ANO5: variants seen among roughly 807,000 people sequenced by gnomAD.
ANO5 encodes the protein anoctamin 5, also known as anoctamin-5.
Under a neutral mutation model 121.0 loss-of-function variants are expected in ANO5, and 109 were observed. The observed-to-expected ratio is 0.90, with a 90% CI of 0.77 to 1.06. The LOEUF is 1.06. Ranked by LOEUF, ANO5 falls within the 50% of genes least tolerant of loss-of-function variation. ANO5 has a pLI of 0.00. For missense variants in ANO5, 1,064 were observed against 1,078.5 expected (o/e 0.99, Z 0.19); for synonymous variants, 406 against 359.9 (o/e 1.13, Z -1.45).
chr11:22,263,270 TTTTA>T (rs1222132066), intron 17 of ANO5, among the ~76,000 whole-genome samples: 3 of 152,164 alleles, frequency 2.0e-5, no homozygotes, highest in Non-Finnish European at 4.4e-5. Context: ...TTTTAAAAAA[TTTTA>T]TTTGACAAAT....
In ANO5 at chr11:22,262,116, TTTAAC is replaced by T. The variant is rs1554931720; in HGVS notation, c.1631-7_1631-3del. 2 of 1,613,104 alleles carry T rather than the reference TTTAAC, an allele frequency of 1.2e-6. No individual in the cohort carries two copies. The highest frequency in any genetic ancestry group is 1.7e-6 in the Non-Finnish European group (2 of 1,179,728). ...TAAGAAGATGCACTAAACATTTTTT[TTTAAC>T]TTAACAGAAATTCCTCGAACATACC... On this transcript the variant is annotated splice_region_variant and splice_polypyrimidine_tract_variant and intron_variant, in intron 15 of 21. Transcript: ENST00000324559.
intron 7 of ANO5, among the ~76,000 whole-genome samples, chr11:22,228,380 A>G (rs1368574004): frequency 2.0e-5 from 3 of 152,054 alleles, no homozygotes; most frequent in African/African-American, 7.2e-5. Flanking sequence ...TTGACACATA[A>G]TTGTACATAT....
rs1176988988 is a variant in ANO5, at chr11:22,250,864, C to T, written c.1119+18C>T. The T allele has an allele frequency of 8.7e-6, 14 of 1,611,662 alleles. No individual in the cohort carries two copies. The East Asian group carries it at 2.9e-4, about 33-fold the overall frequency. ...CTTCAAAGGTATGTATGCATTGTAA[C>T]ATGTTGAAAAGACTTGGAATTTTCC... On this transcript the variant is annotated intron_variant, in intron 11 of 21. Transcript: ENST00000324559.
At chr11:22,239,542 A>G (rs1176609585) in intron 8 of ANO5, 27 bp from the exon 9 acceptor site, 4 of 1,524,948 alleles carry the variant, frequency 2.6e-6, no homozygotes, top group Non-Finnish European at 9.1e-7. Flanking sequence ...TTCGTCTTTT[A>G]TGTACCCTCC....
intron 5 of ANO5, among the ~76,000 whole-genome samples, chr11:22,222,540 A>G (rs894037773): frequency 1.3e-5 from 2 of 151,300 alleles, no homozygotes; most frequent in African/African-American, 4.9e-5. Flanking sequence ...TCCTCTTTCA[A>G]CCTCACCAGG....
upstream of ANO5, chr11:22,192,979 C>A: frequency 1.0e-6 from 1 of 985,092 alleles, no homozygotes; most frequent in African/African-American, 1.7e-5. Flanking sequence ...AGATGGCGGT[C>A]TCCGAGGGTG....
At chr11:22,277,267 A>G (rs1854893103) in intron 21 of ANO5, among the ~76,000 whole-genome samples, 1 of 151,752 alleles carries the variant, frequency 6.6e-6, no homozygotes, top group South Asian at 2.1e-4. Flanking sequence ...TTTTGGTCTC[A>G]TTCTGAAATT....
At chr11:22,274,543 T>A (rs1236617326) in intron 19 of ANO5, 26 bp from the exon 20 acceptor site, 14 of 1,549,926 alleles carry the variant, frequency 9.0e-6, no homozygotes, top group Admixed American at 2.0e-5. Context: ...GCTGATGATC[T>A]TCCTCTTTTT....
intron 17 of ANO5, among the ~76,000 whole-genome samples, chr11:22,264,551 A>C (rs1410253500): frequency 1.3e-5 from 2 of 152,120 alleles, no homozygotes; most frequent in Admixed American, 6.6e-5. Flanking sequence ...AAATTTCAAA[A>C]TGTGGTAATA....
chr11:22,202,628 T>C (rs1238238897), intron 1 of ANO5, among the ~76,000 whole-genome samples: 1 of 152,168 alleles, frequency 6.6e-6, no homozygotes, highest in East Asian at 1.9e-4. Flanking sequence ...TCTTACTGTG[T>C]CTTCACATGA....
intron 1 of ANO5, among the ~76,000 whole-genome samples, chr11:22,198,445 A>T (rs1270745180): frequency 1.3e-5 from 2 of 152,256 alleles, no homozygotes; most frequent in Non-Finnish European, 2.9e-5. Context: ...AAGGAGAGCT[A>T]GTAATAATAG....
In ANO5 at chr11:22,262,190, G is replaced by T; in HGVS notation, c.1692G>T (p.Gln564His). The change falls in exon 16 of 22, where the codon CAG becomes CAT. Residue 564 changes from glutamine (Q) to histidine (H), a missense_variant. Physicochemically the swap from Gln to His is conservative, Grantham distance 24. Coordinates refer to ENST00000324559, the MANE Select transcript of ANO5 (RefSeq NM_213599.3). ...SSLTLKMFLF[Q>H]FVNFYSSCFY... ...TTACCTTGAAAATGTTCCTGTTTCA[G>T]TTTGTAAATTTTTACTCATCCTGCT... 6.2e-7 allele frequency: 1 copy of T among 1,613,904 alleles called. No homozygotes were observed. The highest frequency in any genetic ancestry group is 2.2e-5 in the East Asian group (1 of 44,836).
At chr11:22,211,896 C>T (rs1001022670) in intron 3 of ANO5, among the ~76,000 whole-genome samples, 1 of 151,802 alleles carries the variant, frequency 6.6e-6, no homozygotes, top group African/African-American at 2.4e-5. Flanking sequence ...GTTTGCTTTT[C>T]ACTAGAGTAC....
chr11:22,260,696 G>A (rs1414205490), intron 15 of ANO5, among the ~76,000 whole-genome samples: 1 of 152,164 alleles, frequency 6.6e-6, no homozygotes, highest in Non-Finnish European at 1.5e-5. Flanking sequence ...TCACTAAAAT[G>A]GGGGAGTTAT....
chr11:22,271,500 C>T (rs1310984125), intron 18 of ANO5, among the ~76,000 whole-genome samples: 1 of 152,164 alleles, frequency 6.6e-6, no homozygotes, highest in Non-Finnish European at 1.5e-5. Flanking sequence ...TTTTATAGAA[C>T]TCTTTGTAAA....
At chr11:22,270,709 CAAGT>C (rs1427976198) in intron 18 of ANO5, among the ~76,000 whole-genome samples, 4 of 152,176 alleles carry the variant, frequency 2.6e-5, no homozygotes, top group Non-Finnish European at 4.4e-5. Context: ...TGAACCAAAT[CAAGT>C]AAGAGTCATT....
intron 1 of ANO5, among the ~76,000 whole-genome samples, chr11:22,198,328 A>T (rs77253869): frequency 0.012 from 1,780 of 152,252 alleles, 35 homozygotes; most frequent in African/African-American, 0.04. Context: ...GCCTGAAAGG[A>T]GGAGGTCTAG....
At position 22,225,967 on chromosome 11, in the gene ANO5, A is replaced by T; in HGVS notation, c.295-17A>T. 2 of 1,556,392 alleles carry T rather than the reference A, an allele frequency of 1.3e-6. No individual in the cohort carries two copies. Among genetic ancestry groups the T allele is most frequent in the Non-Finnish European group, 1.8e-6 (2 of 1,130,620 alleles). Reference sequence around the variant, plus strand: ...AAAAGCATTCTGCATAATTCTGTTGATTTTTTTTTGTCATAGGAAAGAAGA... The same window carrying T: ...AAAAGCATTCTGCATAATTCTGTTGTTTTTTTTTTGTCATAGGAAAGAAGA... On this transcript the variant is annotated splice_polypyrimidine_tract_variant and intron_variant, in intron 5 of 21. Coordinates refer to ENST00000324559, the MANE Select transcript of ANO5 (RefSeq NM_213599.3).
At chr11:22,196,637 G>C (rs912200981) in intron 1 of ANO5, among the ~76,000 whole-genome samples, 1 of 152,068 alleles carries the variant, frequency 6.6e-6, no homozygotes. Context: ...CTGGGAGGCC[G>C]AGGCAGGTGG....
Sources: allele counts gnomAD v4.1 joint callset (sites outside exome capture counted in the v4.1 genomes callset), GRCh38; gene constraint gnomAD v4.1.1; transcripts MANE v1.5; gene names NCBI Gene and HGNC (gene_info 2026-07-23, HGNC 2026-07-21).